Variants in CAPN7 observed in about 807,000 individuals in gnomAD.
The protein encoded by CAPN7 is calpain-7.
Under a neutral mutation model 115.2 loss-of-function variants are expected in CAPN7, and 72 were observed. That is an observed-to-expected ratio of 0.63 (90% CI 0.52 to 0.76). CAPN7 has a LOEUF of 0.76. CAPN7 is among the 30% of genes least tolerant of loss of function. The probability of loss-of-function intolerance (pLI) is 0.00; values close to 1 mark genes in which losing one functional copy is unlikely to be tolerated. For synonymous variants in CAPN7, 344 were observed against 322.3 expected (o/e 1.07, Z -0.72); for missense variants, 905 against 971.5 (o/e 0.93, Z 0.91).
At chr3:15,237,146 A>AT (rs572476764) in intron 12 of CAPN7, among the ~76,000 whole-genome samples, 2 of 152,024 alleles carry the variant, frequency 1.3e-5, no homozygotes, top group Non-Finnish European at 2.9e-5. Context: ...TAAACTTTAA[A>AT]TTTTTTTTAA....
intron 10 of CAPN7, among the ~76,000 whole-genome samples, chr3:15,233,280 C>A (rs1325396159): frequency 6.6e-6 from 1 of 152,180 alleles, no homozygotes; most frequent in Non-Finnish European, 1.5e-5. Context: ...TGCAAATCAC[C>A]CATCATTCAT....
chr3:15,235,208 A>G (rs1440345327), intron 12 of CAPN7, 63 bp downstream of exon 12: 1 of 1,436,074 alleles, frequency 7.0e-7, no homozygotes, highest in African/African-American at 1.4e-5. Flanking sequence ...GGGATCCCAG[A>G]TAATTTATCA....
rs74534804 is a variant in CAPN7 at position 15,244,548 on chromosome 3, C to A, written c.1865-978C>A. Among the ~76,000 whole-genome samples, 1,366 of 152,302 alleles carry A rather than the reference C, an allele frequency of 9.0e-3. 51 individuals are homozygous for A. The East Asian group carries it at 0.091, about 10-fold the overall frequency. On this transcript the variant is annotated intron_variant, in intron 16 of 20. Transcript: ENST00000253693. ...CTCACTAGACCACACCACCCCTAAT[C>A]ATTAGAGACTTATGATTTGTTTGAG...
At chr3:15,223,379 A>G (rs1694116405) in intron 5 of CAPN7, 96 bp from the exon 6 acceptor site, 1 of 752,808 alleles carries the variant, frequency 1.3e-6, no homozygotes, top group Non-Finnish European at 2.3e-6. Flanking sequence ...ATTTTAATAC[A>G]GTATCATACC....
At chr3:15,233,746 C>T in intron 10 of CAPN7, 121 bp from the exon 11 acceptor site, 1 of 643,166 alleles carries the variant, frequency 1.6e-6, no homozygotes, top group South Asian at 1.8e-5. Flanking sequence ...TTGAAAACAA[C>T]TACCTTCTGA....
intron 1 of CAPN7, 80 bp downstream of exon 1, chr3:15,206,677 G>T (rs1325745116): frequency 1.9e-6 from 2 of 1,045,300 alleles, no homozygotes; most frequent in African/African-American, 3.4e-5. Flanking sequence ...GCGGGATCCG[G>T]GTGCGGAGGC....
intron 10 of CAPN7, 62 bp downstream of exon 10, chr3:15,232,727 T>C: frequency 7.1e-7 from 1 of 1,403,404 alleles, no homozygotes; most frequent in Non-Finnish European, 9.5e-7. Flanking sequence ...CTGTTTTAAA[T>C]TTGAAAAATT....
Position 15,238,978 on chromosome 3 carries a change from C to G in CAPN7, c.1408-1495C>G, listed in dbSNP as rs542347237. ...AATATCACTGATGCTGGGGGTCTGT[C>G]TCTGAAAAGCTTAGCAACAATTTGC... On this transcript the variant is annotated intron_variant, in intron 12 of 20. Transcript: ENST00000253693. Among the ~76,000 whole-genome samples the G allele has an allele frequency of 1.0e-4, 15 of 149,404 alleles. No homozygotes were observed. The South Asian group carries it at 2.7e-3, about 27-fold the overall frequency.
chr3:15,211,979 TTAA>T (rs1397005167), intron 1 of CAPN7, 122 bp from the exon 2 acceptor site: 5 of 485,754 alleles, frequency 1.0e-5, no homozygotes, highest in East Asian at 3.4e-5. Context: ...AAAATTACTA[TTAA>T]TAATAATTTA....
chr3:15,235,319 T>C (rs1170883540), intron 12 of CAPN7, among the ~76,000 whole-genome samples, 174 bp downstream of exon 12: 2 of 152,096 alleles, frequency 1.3e-5, no homozygotes, highest in Non-Finnish European at 2.9e-5. Context: ...AATTAAAAGG[T>C]GGGAAAGGAA....
intron 1 of CAPN7, among the ~76,000 whole-genome samples, chr3:15,210,573 T>C (rs1284919420): frequency 6.6e-6 from 1 of 151,482 alleles, no homozygotes; most frequent in African/African-American, 2.4e-5. Flanking sequence ...ACTGTACTTT[T>C]TCATTCCTTC....
intron 16 of CAPN7, 40 bp downstream of exon 16, chr3:15,242,293 A>G (rs73025348): frequency 4.1e-6 from 5 of 1,206,190 alleles, no homozygotes; most frequent in Admixed American, 2.4e-5. Flanking sequence ...ATAAACATAC[A>G]TAAGATTTTA....
chr3:15,224,213 GA>G (rs1008822278), intron 6 of CAPN7, among the ~76,000 whole-genome samples: 6 of 149,638 alleles, frequency 4.0e-5, no homozygotes, highest in Non-Finnish European at 7.4e-5. Flanking sequence ...AAAACTGTAG[GA>G]AAAAAAATGT....
At chr3:15,223,777 C>T (rs1031917646) in intron 6 of CAPN7, among the ~76,000 whole-genome samples, 11 of 152,266 alleles carry the variant, frequency 7.2e-5, no homozygotes, top group African/African-American at 2.6e-4. Flanking sequence ...AATATTATTT[C>T]TGTAGTGTCT....
chr3:15,245,977 A>G, intron 17 of CAPN7: 1 of 192,398 alleles, frequency 5.2e-6, no homozygotes, highest in Non-Finnish European at 1.1e-5. Context: ...TTGCTCTGTC[A>G]CCCAGGCTGG....
At chr3:15,215,536 T>C (rs1038887233) in intron 2 of CAPN7, among the ~76,000 whole-genome samples, 13 of 152,244 alleles carry the variant, frequency 8.5e-5, no homozygotes, top group Non-Finnish European at 1.9e-4. Flanking sequence ...ATCTTGTTGT[T>C]TCTATGGATT....
intron 1 of CAPN7, among the ~76,000 whole-genome samples, chr3:15,207,721 A>G (rs1161134977): frequency 1.3e-5 from 2 of 151,572 alleles, no homozygotes; most frequent in African/African-American, 4.9e-5. Context: ...CATCAATATT[A>G]CTGTCTTCCA....
At chr3:15,218,239 A>G (rs920239450) in intron 3 of CAPN7, among the ~76,000 whole-genome samples, 1 of 152,200 alleles carries the variant, frequency 6.6e-6, no homozygotes, top group Non-Finnish European at 1.5e-5. Flanking sequence ...ATGGTCAAAC[A>G]GTTCTGGTCC....
chr3:15,218,350 CTTTG>C (rs1244562146), intron 3 of CAPN7, 119 bp from the exon 4 acceptor site: 6 of 674,458 alleles, frequency 8.9e-6, no homozygotes, highest in Admixed American at 5.3e-5. Flanking sequence ...TTAATGTCAT[CTTTG>C]TTTGTTCTCA....
Sources: gnomAD v4.1 joint callset for allele counts (sites outside exome capture counted in the v4.1 genomes callset) on GRCh38, gnomAD v4.1.1 for gene constraint, MANE v1.5 for transcripts, NCBI Gene and HGNC (gene_info 2026-07-23, HGNC 2026-07-21) for gene names.